The following ILRUN variants were observed in gnomAD, a reference collection of about 807,000 sequenced individuals.
The protein encoded by ILRUN is inflammation and lipid regulator with UBA-like and NBR1-like domains.
Under a neutral mutation model 33.8 loss-of-function variants are expected in ILRUN, and 3 were observed. The observed-to-expected ratio is 0.09, with a 90% confidence interval of 0.04 to 0.23. ILRUN has a LOEUF of 0.23. Among genes scored for constraint, ILRUN ranks in the 10% least tolerant of loss-of-function variants. The probability of loss-of-function intolerance (pLI) is 1.00; values close to 1 mark genes in which losing one functional copy is unlikely to be tolerated. For synonymous variants in ILRUN, 124 were observed against 138.9 expected (o/e 0.89, Z 0.75); for missense variants, 210 against 375.1 (o/e 0.56, Z 3.64).
intron 1 of ILRUN, among the ~76,000 whole-genome samples, chr6:34,681,296 T>G (rs984352978): frequency 7.2e-5 from 11 of 152,122 alleles, no homozygotes; most frequent in South Asian, 6.2e-4. Context: ...AAAGGTGGGT[T>G]TTTTAAACCT....
intron 1 of ILRUN, among the ~76,000 whole-genome samples, chr6:34,660,369 A>C (rs1344561251): frequency 1.3e-5 from 2 of 152,116 alleles, no homozygotes; most frequent in Non-Finnish European, 1.5e-5. Flanking sequence ...TCAAGGAAAA[A>C]AAAAAAACTA....
At chr6:34,623,321 T>C (rs1762046490) in intron 3 of ILRUN, among the ~76,000 whole-genome samples, 2 of 152,202 alleles carry the variant, frequency 1.3e-5, no homozygotes, top group Admixed American at 1.3e-4. Context: ...CAGTAATTTA[T>C]TATGTGGCAG....
chr6:34,640,240 T>C (rs1020756344), intron 3 of ILRUN, among the ~76,000 whole-genome samples: 3 of 151,772 alleles, frequency 2.0e-5, no homozygotes, highest in Middle Eastern at 6.8e-3. Context: ...CCCCACACAG[T>C]GAAGAAGTGT....
In ILRUN at chr6:34,587,316, A is replaced by C. The variant is rs1761211993; in HGVS notation, c.*3249T>G. The C allele has an allele frequency of 6.6e-6, 1 of 152,640 alleles. No homozygotes were observed. The highest frequency in any genetic ancestry group is 1.5e-5 in the Non-Finnish European group (1 of 68,040). 9.5% of individuals were successfully genotyped at this position (152,640 alleles called of 1,614,324 possible). ...TTTTGGTGTGTGTGTTAATTTAATC[A>C]TACAAATATTCATTTATACAATAAG... On this transcript the variant is annotated 3_prime_UTR_variant, in exon 5 of 5. Coordinates refer to ENST00000374023, the MANE Select transcript of ILRUN (RefSeq NM_024294.4).
At chr6:34,671,369 A>T (rs1763115219) in intron 1 of ILRUN, among the ~76,000 whole-genome samples, 4 of 152,226 alleles carry the variant, frequency 2.6e-5, no homozygotes, top group Admixed American at 2.0e-4. Flanking sequence ...CTGGGTGAGG[A>T]TCAAGACCCT....
chr6:34,637,788 T>C, intron 3 of ILRUN, among the ~76,000 whole-genome samples: 1 of 152,134 alleles, frequency 6.6e-6, no homozygotes, highest in East Asian at 1.9e-4. Flanking sequence ...GACCCACATA[T>C]ATGCATTTTA....
intron 4 of ILRUN, among the ~76,000 whole-genome samples, chr6:34,593,339 G>A (rs970492221): frequency 6.6e-6 from 1 of 152,170 alleles, no homozygotes; most frequent in African/African-American, 2.4e-5. Flanking sequence ...CACACTTCAT[G>A]TGGGCCTTTA....
intron 3 of ILRUN, among the ~76,000 whole-genome samples, chr6:34,623,219 A>G (rs1490524576): frequency 5.9e-5 from 9 of 152,244 alleles, no homozygotes; most frequent in Non-Finnish European, 1.3e-4. Context: ...AAATGGTTAC[A>G]ATAAATTGTA....
At chr6:34,608,786 G>A (rs1418558140) in intron 3 of ILRUN, among the ~76,000 whole-genome samples, 3 of 152,144 alleles carry the variant, frequency 2.0e-5, no homozygotes, top group Non-Finnish European at 4.4e-5. Context: ...ATGTACCATA[G>A]GACATTTGGT....
Position 34,588,058 on chromosome 6 carries a change from C to T in ILRUN, c.*2507G>A. On this transcript the variant is annotated 3_prime_UTR_variant, in exon 5 of 5. Coordinates refer to ENST00000374023, the MANE Select transcript of ILRUN (RefSeq NM_024294.4). ...GAGCAGAGAGGGGCCCTAGGCATTGCTCTGAACCCATACCAGTGAGGGGAG... is the reference window on the plus strand; with the variant it reads ...GAGCAGAGAGGGGCCCTAGGCATTGTTCTGAACCCATACCAGTGAGGGGAG... 2.5e-6 allele frequency: 1 copy of T among 398,750 alleles called. No individual in the cohort carries two copies. The highest frequency in any genetic ancestry group is 4.4e-6 in the Non-Finnish European group (1 of 226,142). The allele number at this position is 398,750 out of a possible 1,614,324, so 24.7% of individuals were successfully genotyped here.
At chr6:34,607,415 C>A (rs1761657320) in intron 3 of ILRUN, among the ~76,000 whole-genome samples, 1 of 152,126 alleles carries the variant, frequency 6.6e-6, no homozygotes, top group South Asian at 2.1e-4. Flanking sequence ...AATAATTACG[C>A]CAGGACCAGC....
intron 1 of ILRUN, among the ~76,000 whole-genome samples, chr6:34,681,366 A>G (rs982183625): frequency 4.6e-5 from 7 of 152,222 alleles, no homozygotes; most frequent in African/African-American, 1.4e-4. Flanking sequence ...CTCCCAAGAC[A>G]AACATTAACT....
At chr6:34,676,472 C>A (rs984829903) in intron 1 of ILRUN, among the ~76,000 whole-genome samples, 14 of 147,746 alleles carry the variant, frequency 9.5e-5, no homozygotes, top group African/African-American at 3.4e-4. Flanking sequence ...AGCTAGCTAG[C>A]TAGCTAGATA....
At position 34,696,493 on chromosome 6, in the gene ILRUN, G is replaced by A. The variant is rs1277671475; in HGVS notation, c.111C>T (p.Phe37=). Reference sequence around the variant, plus strand: ...AGGCGCAACCGGCAGGATTGAGCTGGAAGCCGAGCAGCCTCTGGAACTCGG... The same window carrying A: ...AGGCGCAACCGGCAGGATTGAGCTGAAAGCCGAGCAGCCTCTGGAACTCGG... ...LISEFQRLLG[F]QLNPAGCAFF... The change falls in exon 1 of 5, where the codon TTC becomes TTT. Residue 37 remains phenylalanine (F), a synonymous_variant. Coordinates refer to ENST00000374023, the MANE Select transcript of ILRUN (RefSeq NM_024294.4). 1 of 1,611,316 alleles carries A rather than the reference G, an allele frequency of 6.2e-7. No individual in the cohort carries two copies. The highest frequency in any genetic ancestry group is 8.5e-7 in the Non-Finnish European group (1 of 1,179,152).
At chr6:34,634,345 C>T (rs1762310762) in intron 3 of ILRUN, among the ~76,000 whole-genome samples, 1 of 151,938 alleles carries the variant, frequency 6.6e-6, no homozygotes, top group African/African-American at 2.4e-5. Context: ...CTAAAAGCAA[C>T]ACTTAGAGGA....
chr6:34,594,073 T>C (rs964595770), intron 4 of ILRUN, among the ~76,000 whole-genome samples: 3 of 152,212 alleles, frequency 2.0e-5, no homozygotes, highest in Non-Finnish European at 2.9e-5. Flanking sequence ...AAAGTAGGAT[T>C]TGGCAATACA....
intron 1 of ILRUN, among the ~76,000 whole-genome samples, chr6:34,666,997 GC>G (rs1290669447): frequency 6.6e-6 from 1 of 151,890 alleles, no homozygotes; most frequent in East Asian, 1.9e-4. Flanking sequence ...AAAATTAGTG[GC>G]CCTCCCCTCC....
intron 3 of ILRUN, among the ~76,000 whole-genome samples, chr6:34,628,632 C>T (rs1480997145): frequency 6.6e-6 from 1 of 151,990 alleles, no homozygotes; most frequent in Non-Finnish European, 1.5e-5. Flanking sequence ...ACGCCCGGCC[C>T]ACCTTTTTAC....
Position 34,590,455 on chromosome 6 carries a change from G to C in ILRUN, c.*110C>G, listed in dbSNP as rs1182525770. 3.9e-6 allele frequency: 6 copies of C among 1,520,506 alleles called. No individual in the cohort carries two copies. In the African/African-American group the frequency reaches 8.2e-5, roughly 21 times the overall value. The allele number at this position is 1,520,506 out of a possible 1,614,324, so 94.2% of individuals were successfully genotyped here. A position where few individuals can be genotyped will look rare whatever the true frequency, so the allele number is the denominator to read the frequency against. On this transcript the variant is annotated 3_prime_UTR_variant, in exon 5 of 5. Transcript: ENST00000374023. ...CTTCTTCCGGGATGAGAGGGGGTCA[G>C]AGCCAGGGGTCTGTGCGATGTGGTC...
Sources: allele counts gnomAD v4.1 joint callset (sites outside exome capture counted in the v4.1 genomes callset), GRCh38; gene constraint gnomAD v4.1.1; transcripts MANE v1.5; gene names NCBI Gene and HGNC (gene_info 2026-07-23, HGNC 2026-07-21).